C2CD3: variants seen among roughly 807,000 people sequenced by gnomAD.
C2CD3 encodes C2 domain containing 3 centriole elongation regulator.
In C2CD3, 148 loss-of-function variants were observed where a neutral mutation model predicts 234.0. The observed-to-expected ratio is 0.63, with a 90% CI of 0.55 to 0.72. The LOEUF (loss-of-function observed/expected upper bound fraction) is 0.72, where lower values mean the gene tolerates loss of function less well. Ranked by LOEUF, C2CD3 falls within the 30% of genes least tolerant of loss-of-function variation. C2CD3 has a pLI of 0.00. For synonymous variants in C2CD3, 1,000 were observed against 1,035.4 expected (o/e 0.97, Z 0.66); for missense variants, 2,577 against 2,811.5 (o/e 0.92, Z 1.89).
At chr11:74,080,641 A>G (rs1193484684) in intron 22 of C2CD3, among the ~76,000 whole-genome samples, 1 of 152,222 alleles carries the variant, frequency 6.6e-6, no homozygotes, top group Non-Finnish European at 1.5e-5. Context: ...AACAAAGAGA[A>G]ATGATATATC....
Position 74,078,430 on chromosome 11 carries a change from G to C in C2CD3, c.4288C>G (p.His1430Asp). ...CGAAGGTAGCAATATGTATTCTTAT[G>C]AATGTGGTTGTGGCCAGCAAGCAGC... ...CVLLAGHNHI[H>D]KNTYCYLRYK... The change falls in exon 23 of 33, where the codon CAT becomes GAT. Residue 1430 changes from histidine (H) to aspartate (D), a missense_variant. Transcript: ENST00000334126. 6 of 1,614,168 alleles carry C rather than the reference G, an allele frequency of 3.7e-6. No individual in the cohort carries two copies. The highest frequency in any genetic ancestry group is 5.1e-6 in the Non-Finnish European group (6 of 1,180,018).
Position 74,078,252 on chromosome 11 carries a change from C to T in C2CD3, c.4466G>A (p.Arg1489Lys), listed in dbSNP as rs1031159988. The stretch of plus-strand genomic sequence containing the variant: ...AGCTCGCCACACTTGGATCTCTAGC[C>T]TCTCCTCCCTGAAGTACCAAAGCAG... ...PSLLWYFREE[R>K]LEIQVWRAYG... Residue 1489 changes from arginine to lysine, a missense_variant, in exon 23 of 33, where the codon AGG becomes AAG. Arg to Lys is a conservative substitution (Grantham distance 26). Transcript: ENST00000334126. The T allele has an allele frequency of 6.2e-7, 1 of 1,614,132 alleles. No individual in the cohort carries two copies. The highest frequency in any genetic ancestry group is 8.5e-7 in the Non-Finnish European group (1 of 1,180,018).
At chr11:74,165,925 C>T (rs1856775651) in intron 2 of C2CD3, among the ~76,000 whole-genome samples, 2 of 152,138 alleles carry the variant, frequency 1.3e-5, no homozygotes, top group African/African-American at 4.8e-5. Flanking sequence ...AACTCTTGGC[C>T]TCAAGTGATC....
At chr11:74,090,327 G>A (rs57332560) in intron 20 of C2CD3, among the ~76,000 whole-genome samples, 1 of 152,090 alleles carries the variant, frequency 6.6e-6, no homozygotes, top group African/African-American at 2.4e-5. Flanking sequence ...TCAGGAGTTC[G>A]AGATCAGCCT....
At position 74,078,100 on chromosome 11, in the gene C2CD3, A is replaced by T. The variant is rs113192756; in HGVS notation, c.4603+15T>A. The stretch of plus-strand genomic sequence containing the variant: ...GTGCTCAAACTACAAGAGTTGAATC[A>T]GGCTCCTCACTTACCACTGACAGTT... On this transcript the variant is annotated intron_variant, in intron 23 of 32. Coordinates refer to ENST00000334126, the MANE Select transcript of C2CD3 (RefSeq NM_001286577.2). 21,391 of 1,604,648 alleles carry T rather than the reference A, an allele frequency of 0.013. 236 individuals are homozygous for T. Among genetic ancestry groups the T allele is most frequent in the African/African-American group, 0.048 (3,607 of 74,788 alleles).
In C2CD3 at chr11:74,125,771, A is replaced by G. The variant is rs565130594; in HGVS notation, c.1218-2636T>C. On this transcript the variant is annotated intron_variant, in intron 7 of 32. Transcript: ENST00000334126. ...CATTTGCTTAGTTTTCTTTGACTCT[A>G]TTACTACTTTACGAGTGAACTCTTC... 2.0e-5 allele frequency among the ~76,000 whole-genome samples: 3 copies of G among 152,260 alleles called. No homozygotes were observed. In the East Asian group the frequency reaches 5.8e-4, roughly 29 times the overall value.
intron 17 of C2CD3, 148 bp downstream of exon 17, chr11:74,095,080 A>G: frequency 5.1e-6 from 2 of 395,506 alleles, no homozygotes; most frequent in East Asian, 7.8e-5. Context: ...GTTAAAAAAT[A>G]AAAAAAACTT....
chr11:74,037,514 T>C lies in C2CD3; in HGVS notation c.5845A>G (p.Ser1949Gly). 1 of 1,614,120 alleles carries C rather than the reference T, an allele frequency of 6.2e-7. No individual in the cohort carries two copies. The highest frequency in any genetic ancestry group is 8.5e-7 in the Non-Finnish European group (1 of 1,179,994). Reference sequence around the variant, plus strand: ...GAGCTGACTTGCAACACCAGGTTACTGGATTTCTCCAGGATACACTGGCTC... The same window carrying C: ...GAGCTGACTTGCAACACCAGGTTACCGGATTTCTCCAGGATACACTGGCTC... ...PGSQCILEKS[S>G]NLVLQVSSLI... The change falls in exon 30 of 33, where the codon AGT becomes GGT. Residue 1949 changes from serine to glycine, a missense_variant. Coordinates refer to ENST00000334126, the MANE Select transcript of C2CD3 (RefSeq NM_001286577.2).
Position 74,013,420 on chromosome 11 carries a change from G to C in C2CD3, c.7027C>G (p.Arg2343Gly). 2 of 1,327,094 alleles carry C rather than the reference G, an allele frequency of 1.5e-6. No homozygotes were observed. Among genetic ancestry groups the C allele is most frequent in the Non-Finnish European group, 2.0e-6 (2 of 1,008,588 alleles). 82.2% of individuals were successfully genotyped at this position (1,327,094 alleles called of 1,614,324 possible). A position where few individuals can be genotyped will look rare whatever the true frequency, so the allele number is the denominator to read the frequency against. ...TGGGAGTACTGAGAAGAAAATATCC[G>C]TGCAATCCTGAGAGTTTCTTCCTCA... is the stretch of plus-strand genomic sequence containing the variant. ...LPEEETLRIARIFSSQYSQKD is the reference protein window; with the variant it reads ...LPEEETLRIAGIFSSQYSQKD Residue 2343 changes from arginine to glycine, a missense_variant, in exon 33 of 33, where the codon CGG becomes GGG. Coordinates refer to ENST00000334126, the MANE Select transcript of C2CD3 (RefSeq NM_001286577.2).
At chr11:74,067,285 TG>T (rs1272684509) in intron 24 of C2CD3, among the ~76,000 whole-genome samples, 1 of 151,990 alleles carries the variant, frequency 6.6e-6, no homozygotes, top group Non-Finnish European at 1.5e-5. Context: ...GAAGATCTAG[TG>T]GCGTCCACAA....
At chr11:74,114,789 C>T (rs888281268) in intron 9 of C2CD3, among the ~76,000 whole-genome samples, 196 bp from the exon 10 acceptor site, 1 of 152,142 alleles carries the variant, frequency 6.6e-6, no homozygotes, top group East Asian at 1.9e-4. Context: ...GCAGCCTTGA[C>T]CTCCTGGGCT....
At chr11:74,032,586 T>A (rs1302202211) in intron 31 of C2CD3, among the ~76,000 whole-genome samples, 2 of 152,066 alleles carry the variant, frequency 1.3e-5, no homozygotes, top group Non-Finnish European at 2.9e-5. Context: ...AAAAATTTAA[T>A]CTGGCCAGGC....
intron 32 of C2CD3, among the ~76,000 whole-genome samples, chr11:74,017,489 G>C (rs1258471794): frequency 6.6e-6 from 1 of 152,194 alleles, no homozygotes; most frequent in Non-Finnish European, 1.5e-5. Context: ...ACTTTGCTGG[G>C]GAGAAAATGG....
Position 74,028,334 on chromosome 11 carries a change from T to C in C2CD3, c.6874A>G (p.Met2292Val). The change falls in exon 32 of 33, where the codon ATG (methionine) becomes GTG (valine). Residue 2292 changes from methionine (M) to valine (V), a missense_variant. Transcript: ENST00000334126. ...PPQQLEASLR[M>V]LSLSATLPPA... ...GGCAAAGTTGCTGAGAGTGAAAGCA[T>C]CCGCAGGGAAGCCTCCAACTGCTGG... is the stretch of plus-strand genomic sequence containing the variant. 1.3e-6 allele frequency: 2 copies of C among 1,536,040 alleles called. No homozygotes were observed. Among genetic ancestry groups the C allele is most frequent in the Non-Finnish European group, 1.7e-6 (2 of 1,146,876 alleles).
chr11:74,074,080 G>A (rs900478175), intron 24 of C2CD3, among the ~76,000 whole-genome samples, 173 bp downstream of exon 24: 4 of 152,176 alleles, frequency 2.6e-5, no homozygotes. Flanking sequence ...GGGAATTTAC[G>A]ATATGCAACA....
intron 20 of C2CD3, among the ~76,000 whole-genome samples, chr11:74,090,534 A>G (rs1955848650): frequency 6.6e-6 from 1 of 152,190 alleles, no homozygotes; most frequent in South Asian, 2.1e-4. Context: ...TGGGTATGGC[A>G]TGGTTTGATG....
intron 24 of C2CD3, among the ~76,000 whole-genome samples, chr11:74,069,228 AAAAG>A (rs1321145936): frequency 6.6e-6 from 1 of 152,258 alleles, no homozygotes; most frequent in East Asian, 1.9e-4. Context: ...AGGTGGGTGA[AAAAG>A]AAATCAGCTT....
chr11:74,076,167 G>C (rs1443603328), intron 23 of C2CD3, among the ~76,000 whole-genome samples: 1 of 152,124 alleles, frequency 6.6e-6, no homozygotes, highest in South Asian at 2.1e-4. Context: ...AGGGACTCTA[G>C]GCCTGCCCAG....
At chr11:74,067,811 C>T (rs191442285) in intron 24 of C2CD3, among the ~76,000 whole-genome samples, 6 of 152,256 alleles carry the variant, frequency 3.9e-5, no homozygotes, top group Non-Finnish European at 7.4e-5. Context: ...AGCTACATTT[C>T]TCGGACTCTT....
Sources: gnomAD v4.1 joint callset for allele counts (sites outside exome capture counted in the v4.1 genomes callset) on GRCh38, gnomAD v4.1.1 for gene constraint, MANE v1.5 for transcripts, NCBI Gene and HGNC (gene_info 2026-07-23, HGNC 2026-07-21) for gene names.